RGL1: variants seen among roughly 807,000 people sequenced by gnomAD.
RGL1 encodes ral guanine nucleotide dissociation stimulator like 1.
Under a neutral mutation model 95.2 loss-of-function variants are expected in RGL1, and 24 were observed. That is an observed-to-expected ratio of 0.25 (90% CI 0.18 to 0.35). The LOEUF (loss-of-function observed/expected upper bound fraction) is 0.35, where lower values mean the gene tolerates loss of function less well. Among genes scored for constraint, RGL1 ranks in the 10% least tolerant of loss-of-function variants. The pLI, the probability that RGL1 is intolerant of heterozygous loss-of-function variation, is 1.00. For missense variants in RGL1, 715 were observed against 936.3 expected, an observed-to-expected ratio of 0.76 and a Z score of 3.08; for synonymous variants, 329 against 344.9, an observed-to-expected ratio of 0.95 and a Z score of 0.51.
intron 2 of RGL1, among the ~76,000 whole-genome samples, chr1:183,786,018 C>T (rs1572409820): frequency 6.6e-6 from 1 of 151,828 alleles, no homozygotes; most frequent in East Asian, 1.9e-4. Flanking sequence ...TTTGATGCTG[C>T]AGCGAGCTGT....
chr1:183,787,736 T>C (rs1660247155), intron 2 of RGL1, among the ~76,000 whole-genome samples: 1 of 152,064 alleles, frequency 6.6e-6, no homozygotes, highest in African/African-American at 2.4e-5. Flanking sequence ...GGCAGATCTC[T>C]TGTGAATGGC....
intron 2 of RGL1, among the ~76,000 whole-genome samples, chr1:183,743,873 A>C (rs1455395982): frequency 6.6e-6 from 1 of 152,226 alleles, no homozygotes; most frequent in Non-Finnish European, 1.5e-5. Context: ...TAAATTAAGG[A>C]GAATGAGAAA....
intron 14 of RGL1, among the ~76,000 whole-genome samples, chr1:183,911,132 CT>C (rs112465891): frequency 1.3e-5 from 2 of 151,438 alleles, no homozygotes; most frequent in African/African-American, 2.4e-5. Context: ...GCAAGATTTT[CT>C]TTTTTTTTAA....
chr1:183,757,017 G>GTTTTTT (rs1334256397), intron 2 of RGL1, among the ~76,000 whole-genome samples: 6 of 80,806 alleles, frequency 7.4e-5, no homozygotes, highest in African/African-American at 1.1e-4. Flanking sequence ...TGGGTGGTTT[G>GTTTTTT]TTTGTTTTTT....
At chr1:183,781,239 C>T (rs1362592900) in intron 2 of RGL1, among the ~76,000 whole-genome samples, 1 of 152,130 alleles carries the variant, frequency 6.6e-6, no homozygotes, top group Non-Finnish European at 1.5e-5. Context: ...CTTCCTTCTC[C>T]TTCCTAACAC....
At chr1:183,924,475 G>T (rs971978174) in intron 17 of RGL1, among the ~76,000 whole-genome samples, 1 of 152,074 alleles carries the variant, frequency 6.6e-6, no homozygotes, top group Non-Finnish European at 1.5e-5. Context: ...GGCCTGTTGG[G>T]GGGTGGAAGA....
intron 2 of RGL1, among the ~76,000 whole-genome samples, chr1:183,818,959 G>A (rs1360002524): frequency 6.6e-6 from 1 of 152,148 alleles, no homozygotes; most frequent in Non-Finnish European, 1.5e-5. Context: ...TATGAAAAGT[G>A]GCCTAGGTAT....
At chr1:183,663,678 A>G (rs1453464893) in intron 1 of RGL1, among the ~76,000 whole-genome samples, 7 of 151,930 alleles carry the variant, frequency 4.6e-5, no homozygotes, top group Non-Finnish European at 1.0e-4. Flanking sequence ...ATCTAGAACT[A>G]GAAATACCAT....
intron 1 of RGL1, among the ~76,000 whole-genome samples, chr1:183,718,754 A>G (rs371260594): frequency 3.7e-4 from 55 of 147,506 alleles, no homozygotes; most frequent in African/African-American, 1.3e-3. Context: ...CGTCTCTACT[A>G]AAAAAAAAAC....
At chr1:183,653,129 T>A (rs1650889819) in intron 1 of RGL1, 4 of 151,982 alleles carry the variant, frequency 2.6e-5, no homozygotes. Flanking sequence ...ATGGTCCATT[T>A]CCTTTTTTTT....
chr1:183,690,724 G>C (rs1653893661), intron 1 of RGL1, among the ~76,000 whole-genome samples: 1 of 122,314 alleles, frequency 8.2e-6, no homozygotes, highest in African/African-American at 2.7e-5. Flanking sequence ...GAAAGATGAG[G>C]TACTTATAAA....
intron 1 of RGL1, among the ~76,000 whole-genome samples, chr1:183,705,524 C>T (rs907988394): frequency 6.6e-6 from 1 of 152,074 alleles, no homozygotes; most frequent in Non-Finnish European, 1.5e-5. Context: ...AAGGTGGGGG[C>T]TGTCTCTGAA....
intron 1 of RGL1, among the ~76,000 whole-genome samples, chr1:183,666,911 C>T (rs536802715): frequency 6.6e-6 from 1 of 152,180 alleles, no homozygotes; most frequent in Non-Finnish European, 1.5e-5. Flanking sequence ...TGATTTTCTG[C>T]AGGCTGTATC....
chr1:183,714,328 AAG>A (rs1655485512), intron 1 of RGL1, among the ~76,000 whole-genome samples: 1 of 152,188 alleles, frequency 6.6e-6, no homozygotes, highest in Non-Finnish European at 1.5e-5. Context: ...CAGTTTTTGC[AAG>A]GTGGTCTATC....
At chr1:183,770,628 T>C (rs1441271126) in intron 2 of RGL1, among the ~76,000 whole-genome samples, 2 of 152,004 alleles carry the variant, frequency 1.3e-5, no homozygotes, top group Non-Finnish European at 2.9e-5. Context: ...AATGTAACCA[T>C]ATGTGGGAAA....
intron 2 of RGL1, among the ~76,000 whole-genome samples, chr1:183,758,220 G>A (rs901327818): frequency 8.2e-5 from 12 of 146,732 alleles, no homozygotes; most frequent in East Asian, 2.0e-4. Flanking sequence ...TTTTTGAGAC[G>A]GAGTCTCGCT....
chr1:183,706,264 G>A (rs1654906176), intron 1 of RGL1, among the ~76,000 whole-genome samples: 1 of 152,122 alleles, frequency 6.6e-6, no homozygotes, highest in African/African-American at 2.4e-5. Flanking sequence ...GTGGAGAGGT[G>A]GCTCGGGGTT....
intron 2 of RGL1, among the ~76,000 whole-genome samples, chr1:183,758,260 G>A (rs956105841): frequency 2.7e-5 from 4 of 150,812 alleles, no homozygotes; most frequent in Non-Finnish European, 4.4e-5. Context: ...GCAGTGGCAC[G>A]ATCTTGGTTC....
intron 4 of RGL1, among the ~76,000 whole-genome samples, chr1:183,876,482 C>T (rs574023704): frequency 6.6e-5 from 10 of 152,182 alleles, no homozygotes; most frequent in South Asian, 4.1e-4. Flanking sequence ...CCCTTAGGAC[C>T]GAGGAGTTTT....
Sources: allele counts gnomAD v4.1 joint callset (sites outside exome capture counted in the v4.1 genomes callset), GRCh38; gene constraint gnomAD v4.1.1; transcripts MANE v1.5; gene names NCBI Gene and HGNC (gene_info 2026-07-23, HGNC 2026-07-21).